Variants in POF1B observed in about 807,000 individuals in gnomAD.
POF1B encodes the protein protein POF1B.
In POF1B, 53 loss-of-function variants were observed where a neutral mutation model predicts 55.3. That is an observed-to-expected ratio of 0.96 (90% CI 0.77 to 1.20). The LOEUF is 1.20. Among genes scored for constraint, POF1B ranks in the 50% most tolerant of loss-of-function variants. The probability of loss-of-function intolerance (pLI) is 0.00; values close to 1 mark genes in which losing one functional copy is unlikely to be tolerated. For missense variants in POF1B, 478 were observed against 420.5 expected, an observed-to-expected ratio of 1.14 and a Z score of -1.20; for synonymous variants, 188 against 148.3, an observed-to-expected ratio of 1.27 and a Z score of -1.95.
At chrX:85,299,413 C>T (rs1270685456) in intron 15 of POF1B, among the ~76,000 whole-genome samples, 1 of 105,935 alleles carries the variant, frequency 9.4e-6, no homozygotes, top group African/African-American at 3.5e-5. Flanking sequence ...CTCAGCCTCC[C>T]GAGTAGCTGG....
intron 7 of POF1B, among the ~76,000 whole-genome samples, chrX:85,317,280 C>G (rs1254909570): frequency 9.2e-6 from 1 of 108,211 alleles, no homozygotes; most frequent in Non-Finnish European, 1.9e-5. Flanking sequence ...AAAACATAAT[C>G]AGCATTTGAT....
At chrX:85,371,046 TATC>T (rs1933811353) in intron 2 of POF1B, among the ~76,000 whole-genome samples, 2 of 111,616 alleles carry the variant, frequency 1.8e-5, no homozygotes, top group South Asian at 7.5e-4. Flanking sequence ...TGGTGGTGGT[TATC>T]ATGACATAGT....
chrX:85,355,684 T>A (rs1933479224), intron 4 of POF1B, among the ~76,000 whole-genome samples: 2 of 111,539 alleles, frequency 1.8e-5, no homozygotes, highest in Admixed American at 1.9e-4. Context: ...AAGACATTTA[T>A]GCAGCCAAAA....
intron 9 of POF1B, among the ~76,000 whole-genome samples, chrX:85,313,504 C>A (rs1473460749): frequency 8.9e-6 from 1 of 111,885 alleles, no homozygotes; most frequent in African/African-American, 3.2e-5. Context: ...GTTGAATCAG[C>A]CTTGCATTCC....
At chrX:85,361,434 C>T (rs1453823647) in intron 3 of POF1B, among the ~76,000 whole-genome samples, 1 of 111,517 alleles carries the variant, frequency 9.0e-6, no homozygotes, top group Non-Finnish European at 1.9e-5. Context: ...ATATGGCTAG[C>T]CAGTTATCCC....
intron 5 of POF1B, among the ~76,000 whole-genome samples, chrX:85,348,315 T>G (rs942092298): frequency 2.7e-5 from 3 of 111,446 alleles, no homozygotes; most frequent in African/African-American, 9.7e-5. Context: ...TAAGCTGAAT[T>G]TTTAAAGTAC....
intron 15 of POF1B, among the ~76,000 whole-genome samples, chrX:85,282,780 T>G (rs1603018186): frequency 1.8e-5 from 2 of 110,200 alleles, no homozygotes; most frequent in South Asian, 7.7e-4. Flanking sequence ...GCTACATAGA[T>G]AGAGAGAGGT....
At chrX:85,320,268 G>C (rs1029525185) in intron 7 of POF1B, among the ~76,000 whole-genome samples, 2 of 110,087 alleles carry the variant, frequency 1.8e-5, no homozygotes, top group Non-Finnish European at 3.8e-5. Flanking sequence ...TATCAAACTA[G>C]AACTCAGGAT....
At chrX:85,336,833 GTTTGTGCTTCTGGGTTA>G (rs1933083806) in intron 6 of POF1B, among the ~76,000 whole-genome samples, 1 of 111,347 alleles carries the variant, frequency 9.0e-6, no homozygotes, top group Non-Finnish European at 1.9e-5. Flanking sequence ...TGCTTCGGTT[GTTTGTGCTTCTGGGTTA>G]TTACTCAAGA....
Position 85,305,781 on chromosome X carries a change from A to C in POF1B, c.1437+10T>G, listed in dbSNP as rs1304704199. On this transcript the variant is annotated intron_variant, in intron 13 of 16. Transcript: ENST00000262753. ...GACCTGTGTATTTATGCAATGTAGG[A>C]TCAACATACCCTCAGTCTGCAGATC... 1 of 1,204,466 alleles carries C rather than the reference A, an allele frequency of 8.3e-7. No individual in the cohort carries two copies. The highest frequency in any genetic ancestry group is 1.8e-5 in the African/African-American group (1 of 56,842).
intron 2 of POF1B, among the ~76,000 whole-genome samples, chrX:85,368,231 C>A (rs960379031): frequency 4.5e-5 from 5 of 111,075 alleles, no homozygotes; most frequent in African/African-American, 6.5e-5. Flanking sequence ...GAGTAACCAT[C>A]AACCGAACAG....
At chrX:85,328,212 ATTTATTTT>A (rs1932921639) in intron 7 of POF1B, among the ~76,000 whole-genome samples, 1 of 99,867 alleles carries the variant, frequency 1.0e-5, no homozygotes, top group African/African-American at 3.8e-5. Flanking sequence ...TTATTTATTT[ATTTATTTT>A]TTGAGATGGA....
chrX:85,338,623 A>G (rs2147930254), intron 6 of POF1B, among the ~76,000 whole-genome samples: 1 of 111,737 alleles, frequency 8.9e-6, no homozygotes, highest in East Asian at 2.8e-4. Flanking sequence ...CTCATAAACA[A>G]TGGGAATTCT....
At chrX:85,284,965 A>G (rs1932011725) in intron 15 of POF1B, among the ~76,000 whole-genome samples, 2 of 111,929 alleles carry the variant, frequency 1.8e-5, no homozygotes, top group Admixed American at 9.5e-5. Context: ...TACAAGAAAA[A>G]ATCAAACATC....
chrX:85,322,553 A>T (rs1367363981), intron 7 of POF1B, among the ~76,000 whole-genome samples: 12 of 112,054 alleles, frequency 1.1e-4, no homozygotes, highest in African/African-American at 3.9e-4. Flanking sequence ...TCATGTCTAA[A>T]ACACCAAAAA....
chrX:85,355,131 C>G (rs561902723), intron 4 of POF1B, among the ~76,000 whole-genome samples: 9 of 110,678 alleles, frequency 8.1e-5, no homozygotes, highest in Admixed American at 2.9e-4. Context: ...TGGAACAGAA[C>G]AGAGCCCTCA....
At chrX:85,301,202 A>G (rs1603030335) in intron 15 of POF1B, among the ~76,000 whole-genome samples, 1 of 111,637 alleles carries the variant, frequency 9.0e-6, no homozygotes, top group South Asian at 3.7e-4. Flanking sequence ...ACCTTGACAC[A>G]TAATAATCAA....
intron 15 of POF1B, among the ~76,000 whole-genome samples, chrX:85,294,980 C>T (rs59302605): frequency 0.019 from 2,171 of 111,554 alleles, 47 homozygotes; most frequent in African/African-American, 0.067. Flanking sequence ...TGAATTTATC[C>T]ATTTCCTCTA....
At chrX:85,373,349 A>C (rs1017202926) in intron 2 of POF1B, among the ~76,000 whole-genome samples, 6 of 111,850 alleles carry the variant, frequency 5.4e-5, no homozygotes, top group Non-Finnish European at 1.1e-4. Flanking sequence ...TTAACAGATA[A>C]ATAATACACA....
Sources: gnomAD v4.1 joint callset for allele counts (sites outside exome capture counted in the v4.1 genomes callset) on GRCh38, gnomAD v4.1.1 for gene constraint, MANE v1.5 for transcripts, NCBI Gene and HGNC (gene_info 2026-07-23, HGNC 2026-07-21) for gene names.